Variants in MYO1F observed in about 807,000 individuals in gnomAD.
MYO1F encodes unconventional myosin-If.
Under a neutral mutation model 146.6 loss-of-function variants are expected in MYO1F, and 60 were observed. That is an observed-to-expected ratio of 0.41 (90% CI 0.33 to 0.51). The LOEUF is 0.51. Ranked by LOEUF, MYO1F falls within the 20% of genes least tolerant of loss-of-function variation. The probability of loss-of-function intolerance (pLI) is 0.25; values close to 1 mark genes in which losing one functional copy is unlikely to be tolerated. For missense variants in MYO1F, 1,274 were observed against 1,534.3 expected, an observed-to-expected ratio of 0.83 and a Z score of 2.83; for synonymous variants, 602 against 602.1, an observed-to-expected ratio of 1.00 and a Z score of 0.00.
chr19:8,529,714 C>A, intron 21 of MYO1F: 1 of 284,248 alleles, frequency 3.5e-6, no homozygotes, highest in Non-Finnish European at 7.0e-6. Flanking sequence ...TTGAGAGATG[C>A]ATCTGGCCAG....
intron 16 of MYO1F, among the ~76,000 whole-genome samples, chr19:8,539,283 G>A (rs1972857200): frequency 6.6e-6 from 1 of 151,878 alleles, no homozygotes; most frequent in African/African-American, 2.4e-5. Context: ...GCATGGTGGT[G>A]CATGCCTGTA....
chr19:8,574,410 C>T (rs2042164773), intron 1 of MYO1F, among the ~76,000 whole-genome samples: 1 of 152,184 alleles, frequency 6.6e-6, no homozygotes, highest in Admixed American at 6.5e-5. Context: ...CTCTGTAAAG[C>T]AATGGTCCCC....
intron 1 of MYO1F, among the ~76,000 whole-genome samples, chr19:8,563,564 A>G (rs1005871629): frequency 1.3e-4 from 19 of 150,956 alleles, no homozygotes; most frequent in South Asian, 2.1e-4. Flanking sequence ...GCTGGAGTGC[A>G]ATGATGTGAT....
chr19:8,561,985 G>C (rs1273164224), intron 1 of MYO1F, among the ~76,000 whole-genome samples: 1 of 151,074 alleles, frequency 6.6e-6, no homozygotes, highest in Non-Finnish European at 1.5e-5. Context: ...AAAGTGCTGG[G>C]ATTACAGGCA....
chr19:8,523,902 C>T (rs1027410469), intron 25 of MYO1F, among the ~76,000 whole-genome samples: 6 of 151,682 alleles, frequency 4.0e-5, no homozygotes, highest in African/African-American at 9.7e-5. Context: ...GGGCTGATCA[C>T]GAGGTCTGGA....
intron 3 of MYO1F, 24 bp from the exon 4 acceptor site, chr19:8,554,595 G>A: frequency 6.2e-7 from 1 of 1,611,880 alleles, no homozygotes; most frequent in Admixed American, 1.7e-5. Context: ...TCAGGTCTCA[G>A]CCCAGGGCTG....
At chr19:8,557,492 G>A (rs1332044476) in intron 1 of MYO1F, among the ~76,000 whole-genome samples, 1 of 152,016 alleles carries the variant, frequency 6.6e-6, no homozygotes, top group African/African-American at 2.4e-5. Context: ...TTGTAGAGAT[G>A]GGGTCTTGCT....
At position 8,545,417 on chromosome 19, in the gene MYO1F, G is replaced by T; in HGVS notation, c.1356+233C>A. ...CAAATTTGACTCTAACTGTGAGCTG[G>T]GGTTCCCGGGGAAATGTTTATTGAA... is the stretch of plus-strand genomic sequence containing the variant. On this transcript the variant is annotated intron_variant, in intron 13 of 27. Transcript: ENST00000644032. The T allele has an allele frequency of 9.4e-6, 5 of 534,468 alleles. No homozygotes were observed. The South Asian group carries it at 9.5e-5, about 10-fold the overall frequency. 33.1% of individuals were successfully genotyped at this position (534,468 alleles called of 1,614,324 possible). A position where few individuals can be genotyped will look rare whatever the true frequency, so the allele number is the denominator to read the frequency against.
At chr19:8,570,874 G>A (rs2042095382) in intron 1 of MYO1F, among the ~76,000 whole-genome samples, 1 of 152,084 alleles carries the variant, frequency 6.6e-6, no homozygotes, top group South Asian at 2.1e-4. Flanking sequence ...TTTAGATTGG[G>A]CAGCTCACCT....
chr19:8,521,573 G>A lies in MYO1F; in HGVS notation c.3252C>T (p.His1084=), dbSNP rs781073533. Reference sequence around the variant, plus strand: ...TTCCTGGGAAAAGGCCCTCCTGGCCGTGAAGCCGGCCCTTCCACCAGCCCG... The same window carrying A: ...TTCCTGGGAAAAGGCCCTCCTGGCCATGAAGCCGGCCCTTCCACCAGCCCG... ...DPSGWWKGRL[H]GQEGLFPGNY... is the part of the protein sequence containing the mutation. The change falls in exon 28 of 28, where the codon CAC becomes CAT. Residue 1084 remains histidine, a synonymous_variant. Transcript: ENST00000644032. The A allele has an allele frequency of 3.5e-5, 57 of 1,614,042 alleles. No homozygotes were observed. Among genetic ancestry groups the A allele is most frequent in the African/African-American group, 8.0e-5 (6 of 74,948 alleles).
intron 1 of MYO1F, among the ~76,000 whole-genome samples, chr19:8,565,144 A>C (rs903130804): frequency 4.0e-5 from 6 of 151,716 alleles, no homozygotes; most frequent in Non-Finnish European, 8.8e-5. Context: ...TGATCCACCC[A>C]CCTCAGCCTC....
intron 15 of MYO1F, 44 bp downstream of exon 15, chr19:8,541,862 T>G (rs1048007368): frequency 3.9e-6 from 6 of 1,557,326 alleles, no homozygotes; most frequent in Non-Finnish European, 5.3e-6. Context: ...CTCCATCCCC[T>G]TGGGGGGTTG....
intron 1 of MYO1F, among the ~76,000 whole-genome samples, chr19:8,571,798 CAT>C (rs2042114730): frequency 6.6e-6 from 1 of 151,934 alleles, no homozygotes; most frequent in Non-Finnish European, 1.5e-5. Context: ...GGGGTTTCAC[CAT>C]GTTAGCCAGG....
chr19:8,571,659 G>A (rs1452050920), intron 1 of MYO1F, among the ~76,000 whole-genome samples: 4 of 150,034 alleles, frequency 2.7e-5, no homozygotes, highest in African/African-American at 4.9e-5. Flanking sequence ...GTGCAGTGGC[G>A]CCATCTCGGC....
At chr19:8,558,273 C>G (rs948487698) in intron 1 of MYO1F, among the ~76,000 whole-genome samples, 5 of 152,066 alleles carry the variant, frequency 3.3e-5, no homozygotes, top group Admixed American at 1.3e-4. Context: ...AAGAGATCCT[C>G]CCACCTCAGC....
At chr19:8,563,142 C>T (rs1307495002) in intron 1 of MYO1F, among the ~76,000 whole-genome samples, 1 of 151,578 alleles carries the variant, frequency 6.6e-6, no homozygotes, top group East Asian at 2.0e-4. Flanking sequence ...CAGGCACCTG[C>T]CACCATGCCT....
At chr19:8,523,410 G>C (rs559879332) in intron 25 of MYO1F, among the ~76,000 whole-genome samples, 55 of 151,912 alleles carry the variant, frequency 3.6e-4, no homozygotes, top group African/African-American at 1.3e-3. Flanking sequence ...TGGTACAATC[G>C]TAGCTCACTG....
chr19:8,522,148 G>A (rs1168010719), intron 27 of MYO1F, among the ~76,000 whole-genome samples: 3 of 151,454 alleles, frequency 2.0e-5, no homozygotes, highest in Admixed American at 1.3e-4. Context: ...TCAGCCTCCC[G>A]AGTAGCTGGG....
At chr19:8,524,416 C>CAAAAA (rs777339567) in intron 25 of MYO1F, among the ~76,000 whole-genome samples, 3,708 of 83,338 alleles carry the variant, frequency 0.044, 78 homozygotes, top group Middle Eastern at 0.073. Flanking sequence ...GACTCTGTCT[C>CAAAAA]AAAAAAAAAA....
Sources: gnomAD v4.1 joint callset for allele counts (sites outside exome capture counted in the v4.1 genomes callset) on GRCh38, gnomAD v4.1.1 for gene constraint, MANE v1.5 for transcripts, NCBI Gene and HGNC (gene_info 2026-07-23, HGNC 2026-07-21) for gene names.